Variants in ATRN observed in about 807,000 individuals in gnomAD.
ATRN encodes attractin.
In ATRN, 54 loss-of-function variants were observed where a neutral mutation model predicts 178.7. The ratio of observed to expected loss-of-function variants is 0.30; its 90% CI spans 0.24 to 0.38. The LOEUF (loss-of-function observed/expected upper bound fraction) is 0.38, where lower values mean the gene tolerates loss of function less well. Ranked by LOEUF, ATRN falls within the 10% of genes least tolerant of loss-of-function variation. The pLI is 1.00. For missense variants in ATRN, 1,443 were observed against 1,815.1 expected, an observed-to-expected ratio of 0.79 and a Z score of 3.73; for synonymous variants, 636 against 663.0, an observed-to-expected ratio of 0.96 and a Z score of 0.63.
chr20:3,624,596 C>G (rs572050291), intron 25 of ATRN, 24 bp downstream of exon 25: 1 of 1,583,316 alleles, frequency 6.3e-7, no homozygotes, highest in Non-Finnish European at 8.7e-7. Flanking sequence ...TACAGACTCT[C>G]TCTGTTCTTT....
intron 1 of ATRN, among the ~76,000 whole-genome samples, chr20:3,528,798 G>A (rs2085410099): frequency 1.3e-5 from 2 of 152,022 alleles, no homozygotes; most frequent in South Asian, 4.2e-4. Context: ...ACACCAGAAA[G>A]GGTACTCAGA....
Position 3,591,225 on chromosome 20 carries a change from G to A in ATRN, c.3241G>A (p.Glu1081Lys). The A allele has an allele frequency of 6.2e-7, 1 of 1,614,208 alleles. No homozygotes were observed. The highest frequency in any genetic ancestry group is 8.5e-7 in the Non-Finnish European group (1 of 1,180,024). The change falls in exon 19 of 29, where the codon GAG (glutamate) becomes AAG (lysine). Residue 1081 changes from glutamate (E) to lysine (K), a missense_variant. Glu to Lys is a moderately conservative substitution (Grantham distance 56). Around this residue, in one of 4 missense-constraint regions of ATRN, gnomAD observed 289 missense variants for 440.8 expected, o/e 0.66. Coordinates refer to ENST00000262919, the MANE Select transcript of ATRN (RefSeq NM_139321.3). ...CAATCAGAGCATCTGTGAGAAGTGT[G>A]AGAACCTGACCACAGGCAAGCACTG... ...CINQSICEKC[E>K]NLTTGKHCET...
chr20:3,540,075 T>C lies in ATRN; in HGVS notation c.495-147T>C, dbSNP rs1232745409. 1.4e-5 allele frequency: 7 copies of C among 511,634 alleles called. No homozygotes were observed. The Admixed American group carries it at 2.2e-4, about 16-fold the overall frequency. 31.7% of individuals were successfully genotyped at this position (511,634 alleles called of 1,614,324 possible). ...TCTCTTGTACTTGGAGAATACTAAA[T>C]AAATCTTTGACAAATGAAGGAATAC... On this transcript the variant is annotated intron_variant, in intron 2 of 28. Coordinates refer to ENST00000262919, the MANE Select transcript of ATRN (RefSeq NM_139321.3).
chr20:3,521,823 T>C (rs560060440), intron 1 of ATRN, among the ~76,000 whole-genome samples: 10 of 152,358 alleles, frequency 6.6e-5, no homozygotes, highest in Admixed American at 2.0e-4. Context: ...TCGCTTGCTC[T>C]GTCACCCAGG....
intron 1 of ATRN, among the ~76,000 whole-genome samples, chr20:3,524,132 G>A (rs1283888857): frequency 2.0e-5 from 3 of 151,512 alleles, no homozygotes; most frequent in Admixed American, 2.0e-4. Context: ...AAAGAGTCAA[G>A]ACCCATCGGT....
chr20:3,638,722 G>A lies in ATRN; in HGVS notation c.3943-106G>A. 1.1e-6 allele frequency: 1 copy of A among 900,944 alleles called. No homozygotes were observed. Among genetic ancestry groups the A allele is most frequent in the South Asian group, 1.7e-5 (1 of 59,372 alleles). 55.8% of individuals were successfully genotyped at this position (900,944 alleles called of 1,614,324 possible). On this transcript the variant is annotated intron_variant, in intron 26 of 28. Coordinates refer to ENST00000262919, the MANE Select transcript of ATRN (RefSeq NM_139321.3). This position sits in a 1 kb window ranked among gnomAD's most constrained non-coding sequence, Gnocchi z 4.5. ...GTCTAAAAAGTATCATTTTGGACTT[G>A]ATTTGTTTGAATCAGGGAGGATGAG...
chr20:3,630,342 T>C (rs1045234606), intron 25 of ATRN, among the ~76,000 whole-genome samples: 2 of 152,168 alleles, frequency 1.3e-5, no homozygotes, highest in Non-Finnish European at 2.9e-5. Flanking sequence ...CAGTGCACTG[T>C]CTCTCGTTCA....
chr20:3,577,356 CT>C (rs1230385135), intron 14 of ATRN, among the ~76,000 whole-genome samples: 3 of 152,142 alleles, frequency 2.0e-5, no homozygotes, highest in African/African-American at 4.8e-5. Context: ...GAGAGTACTT[CT>C]TATTAACCAC....
intron 27 of ATRN, 38 bp from the exon 28 acceptor site, chr20:3,644,116 T>G: frequency 7.2e-5 from 106 of 1,464,152 alleles, no homozygotes; most frequent in Non-Finnish European, 9.3e-5. Flanking sequence ...CATTAAAGCT[T>G]GAGTATCACT....
intron 1 of ATRN, among the ~76,000 whole-genome samples, chr20:3,535,029 T>C (rs764450757): frequency 6.6e-6 from 1 of 152,174 alleles, no homozygotes; most frequent in Non-Finnish European, 1.5e-5. Flanking sequence ...TTCTGTCTTC[T>C]TTTTTAATGT....
chr20:3,474,619 A>C (rs533184247), intron 1 of ATRN, among the ~76,000 whole-genome samples: 1 of 151,852 alleles, frequency 6.6e-6, no homozygotes, highest in African/African-American at 2.4e-5. Context: ...AGGCAGGAGA[A>C]TGGCGTGAAC....
intron 21 of ATRN, among the ~76,000 whole-genome samples, chr20:3,597,417 TA>T (rs1000180127): frequency 6.6e-6 from 1 of 152,174 alleles, no homozygotes; most frequent in Non-Finnish European, 1.5e-5. Flanking sequence ...AAAAACGACT[TA>T]ACATCATTCG....
At chr20:3,621,668 T>G (rs1165208565) in intron 24 of ATRN, among the ~76,000 whole-genome samples, 1 of 152,204 alleles carries the variant, frequency 6.6e-6, no homozygotes, top group African/African-American at 2.4e-5. Context: ...TTTCATTACC[T>G]TCAGTATCAG....
chr20:3,592,552 A>G (rs917919634), intron 19 of ATRN: 1 of 863,204 alleles, frequency 1.2e-6, no homozygotes, highest in Non-Finnish European at 1.4e-6. Context: ...TCCAGCCAAA[A>G]AACATAATGA....
intron 1 of ATRN, among the ~76,000 whole-genome samples, chr20:3,492,959 TATA>T (rs1381954444): frequency 1.1e-4 from 16 of 146,388 alleles, no homozygotes; most frequent in Non-Finnish European, 2.2e-4. Context: ...GTATATATAA[TATA>T]ATATACTATA....
chr20:3,606,812 C>T (rs2086682998), intron 24 of ATRN, among the ~76,000 whole-genome samples: 1 of 152,280 alleles, frequency 6.6e-6, no homozygotes, highest in South Asian at 2.1e-4. Context: ...CCCTTCCTGT[C>T]CTTGTTATGG....
intron 1 of ATRN, among the ~76,000 whole-genome samples, chr20:3,482,870 C>T (rs544204690): frequency 1.3e-5 from 2 of 152,274 alleles, no homozygotes; most frequent in Admixed American, 6.5e-5. Context: ...CTAACTATAA[C>T]TTCCTATTAA....
intron 18 of ATRN, among the ~76,000 whole-genome samples, chr20:3,588,505 G>A (rs1349126252): frequency 6.6e-6 from 1 of 152,050 alleles, no homozygotes; most frequent in East Asian, 1.9e-4. Context: ...AACCAGTTTT[G>A]CATTCCTGGG....
chr20:3,596,366 T>C lies in ATRN; in HGVS notation c.3417-11T>C, dbSNP rs1157605860. ...AAATAGCAGTATAAAATAGTCTTTT[T>C]TCCCCCCCAGATGTGAGGTAGAAAA... is the stretch of plus-strand genomic sequence containing the variant. On this transcript the variant is annotated splice_polypyrimidine_tract_variant and intron_variant, in intron 20 of 28. Coordinates refer to ENST00000262919, the MANE Select transcript of ATRN (RefSeq NM_139321.3). The C allele has an allele frequency of 6.2e-7, 1 of 1,611,364 alleles. No homozygotes were observed. Among genetic ancestry groups the C allele is most frequent in the Non-Finnish European group, 8.5e-7 (1 of 1,177,594 alleles).
Sources: allele counts gnomAD v4.1 joint callset (sites outside exome capture counted in the v4.1 genomes callset), GRCh38; gene constraint gnomAD v4.1.1; regional missense constraint gnomAD v4.1.1; non-coding constraint Gnocchi (gnomAD v3.1); transcripts MANE v1.5; gene names NCBI Gene and HGNC (gene_info 2026-07-23, HGNC 2026-07-21).